The following RAD9B variants were observed in gnomAD, a reference collection of about 807,000 sequenced individuals.
RAD9B encodes RAD9 checkpoint clamp component B.
A neutral mutation model predicts 48.3 loss-of-function variants in RAD9B; 41 were observed. The ratio of observed to expected loss-of-function variants is 0.85; its 90% CI spans 0.66 to 1.10. The LOEUF is 1.10. Ranked by LOEUF, RAD9B falls within the 50% of genes least tolerant of loss-of-function variation. RAD9B has a pLI of 0.00. For synonymous variants in RAD9B, 160 were observed against 157.9 expected (o/e 1.01, Z -0.10); for missense variants, 444 against 485.1 (o/e 0.92, Z 0.80).
intron 10 of RAD9B, 36 bp downstream of exon 10, chr12:110,522,447 G>A: frequency 1.4e-6 from 2 of 1,428,000 alleles, no homozygotes; most frequent in South Asian, 2.4e-5. Context: ...TCTCAGTCAA[G>A]AATTCTCATC....
intron 2 of RAD9B, 112 bp downstream of exon 2, chr12:110,503,988 C>G: frequency 1.6e-6 from 1 of 617,890 alleles, no homozygotes; most frequent in African/African-American, 1.9e-5. Flanking sequence ...ATCCCTTTCA[C>G]TGTTTATCTT....
Position 110,529,137 on chromosome 12 carries a change from G to A in RAD9B, c.1126-1388G>A, listed in dbSNP as rs185932372. 5.7e-4 allele frequency among the ~76,000 whole-genome samples: 86 copies of A among 152,128 alleles called. 1 individual carries two copies. The highest frequency in any genetic ancestry group is 2.0e-3 in the African/African-American group (85 of 41,514). On this transcript the variant is annotated intron_variant, in intron 10 of 10. Transcript: ENST00000409300. ...CAGTAACTGAAGGGGGAAATGGGAT[G>A]AGGTTAGGCTATTTGTTTGTTTGTT...
chr12:110,530,588 G>T lies in RAD9B; in HGVS notation c.1189G>T (p.Asp397Tyr). 1 of 1,613,914 alleles carries T rather than the reference G, an allele frequency of 6.2e-7. No individual in the cohort carries two copies. The highest frequency in any genetic ancestry group is 8.5e-7 in the Non-Finnish European group (1 of 1,179,858). ...DQQEHFNHPF[D>Y]SLARASDSEE... ...GCAAGAACACTTCAACCACCCTTTC[G>T]ACAGTCTGGCAAGAGCAAGTGACAG... Residue 397 changes from aspartate (D) to tyrosine (Y), a missense_variant, in exon 11 of 11, where the codon GAC (aspartate) becomes TAC (tyrosine). Asp to Tyr is a radical substitution (Grantham distance 160). Coordinates refer to ENST00000409300, the MANE Select transcript of RAD9B (RefSeq NM_001286535.2).
intron 10 of RAD9B, among the ~76,000 whole-genome samples, chr12:110,522,836 C>T (rs570521348): frequency 2.6e-5 from 4 of 152,234 alleles, no homozygotes; most frequent in East Asian, 1.9e-4. Context: ...ATAGTACAAA[C>T]GTAAATTTCA....
chr12:110,503,772 A>G lies in RAD9B; in HGVS notation c.47-34A>G. The G allele has an allele frequency of 3.4e-6, 5 of 1,489,992 alleles. No homozygotes were observed. The South Asian group carries it at 3.5e-5, about 10-fold the overall frequency. The allele number at this position is 1,489,992 out of a possible 1,614,324, so 92.3% of individuals were successfully genotyped here. A position where few individuals can be genotyped will look rare whatever the true frequency, so the allele number is the denominator to read the frequency against. ...GATTTGTTTTTATTGTTAGAGGGAA[A>G]GAATATAAGCATCACCTTTCTTTTT... is the stretch of plus-strand genomic sequence containing the variant. On this transcript the variant is annotated intron_variant, in intron 1 of 10. Coordinates refer to ENST00000409300, the MANE Select transcript of RAD9B (RefSeq NM_001286535.2).
chr12:110,519,057 C>G (rs1461312979), intron 8 of RAD9B, 119 bp downstream of exon 8: 3 of 661,960 alleles, frequency 4.5e-6, no homozygotes, highest in African/African-American at 1.9e-5. Context: ...ACTATTAATA[C>G]TTATCAAACT....
intron 9 of RAD9B, among the ~76,000 whole-genome samples, chr12:110,521,000 G>T (rs1403600267): frequency 6.6e-6 from 1 of 151,576 alleles, no homozygotes; most frequent in Non-Finnish European, 1.5e-5. Context: ...ATGCTTTATT[G>T]TAAAAGTTAT....
Position 110,513,726 on chromosome 12 carries a change from TA to T in RAD9B, c.488+849del, listed in dbSNP as rs1329920744. 1.8e-3 allele frequency among the ~76,000 whole-genome samples: 266 copies of T among 144,822 alleles called. 1 individual carries two copies. Among genetic ancestry groups the T allele is most frequent in the South Asian group, 0.013 (59 of 4,612 alleles). On this transcript the variant is annotated intron_variant, in intron 5 of 10. Transcript: ENST00000409300. ...TTATTATTATTATTATTATTATTAT[TA>T]TTATTATTATTTTTGAGACAGAGTC...
chr12:110,512,009 GCTAGTTTTTTATA>G (rs966202498), intron 4 of RAD9B, among the ~76,000 whole-genome samples: 3 of 151,140 alleles, frequency 2.0e-5, no homozygotes, highest in Non-Finnish European at 4.4e-5. Flanking sequence ...ACCACGCCCG[GCTAGTTTTTTATA>G]TTTTAGTAGA....
At chr12:110,506,978 TACAGGCACCTGCC>T (rs1184501348) in intron 4 of RAD9B, among the ~76,000 whole-genome samples, 1 of 152,066 alleles carries the variant, frequency 6.6e-6, no homozygotes, top group Non-Finnish European at 1.5e-5. Flanking sequence ...TAGCTGGGAT[TACAGGCACCTGCC>T]ATCATGCCCA....
intron 6 of RAD9B, 36 bp from the exon 7 acceptor site, chr12:110,518,640 T>C (rs781591931): frequency 2.8e-6 from 4 of 1,423,744 alleles, no homozygotes; most frequent in Middle Eastern, 1.8e-4. Context: ...TCTCTGGAAC[T>C]AATTTTATTC....
At chr12:110,507,425 TATATATGTATTAAATATAATATATAAC>T (rs1216451684) in intron 4 of RAD9B, among the ~76,000 whole-genome samples, 35 of 141,058 alleles carry the variant, frequency 2.5e-4, no homozygotes, top group Middle Eastern at 3.6e-3. Context: ...TAATATATAA[TATATATGTATTAAATATAATATATAAC>T]ACGTATTAAG....
At chr12:110,525,369 G>A (rs1238738941) in intron 10 of RAD9B, among the ~76,000 whole-genome samples, 2 of 151,734 alleles carry the variant, frequency 1.3e-5, no homozygotes, top group East Asian at 1.9e-4. Flanking sequence ...CAAGTGATCC[G>A]CCCTCCTTGG....
intron 4 of RAD9B, among the ~76,000 whole-genome samples, chr12:110,509,443 A>T (rs925186729): frequency 5.9e-5 from 9 of 151,864 alleles, no homozygotes; most frequent in African/African-American, 1.2e-4. Context: ...GCTAATTTTT[A>T]AAAAAATTTT....
rs1188904581 is a variant in RAD9B at position 110,505,840 on chromosome 12, AT to A, written c.273+70del. On this transcript the variant is annotated intron_variant, in intron 3 of 10. Transcript: ENST00000409300. ...ATTCATTATATAGGACATAACCTGT[AT>A]TCTATACTTAATAGTTTAAATGGCA... 3.3e-6 allele frequency: 4 copies of A among 1,213,406 alleles called. No homozygotes were observed. In the African/African-American group the frequency reaches 6.1e-5, roughly 19 times the overall value. 75.2% of individuals were successfully genotyped at this position (1,213,406 alleles called of 1,614,324 possible).
In RAD9B at chr12:110,519,925, GT is replaced by G; in HGVS notation, c.890+10del. The G allele has an allele frequency of 6.2e-7, 1 of 1,608,516 alleles. No homozygotes were observed. Among genetic ancestry groups the G allele is most frequent in the East Asian group, 2.2e-5 (1 of 44,666 alleles). ...TCACAGAAACGAAAAAGGTAAGACT[GT>G]GTTTTAACTTCTTTATTACTTGGGA... On this transcript the variant is annotated intron_variant, in intron 9 of 10. Transcript: ENST00000409300.
At chr12:110,515,626 A>T (rs1029257632) in intron 6 of RAD9B, among the ~76,000 whole-genome samples, 1 of 152,176 alleles carries the variant, frequency 6.6e-6, no homozygotes, top group Non-Finnish European at 1.5e-5. Flanking sequence ...GCACCATTGC[A>T]CTCCATTGCC....
intron 2 of RAD9B, among the ~76,000 whole-genome samples, chr12:110,505,352 G>A (rs1273764133): frequency 6.6e-6 from 1 of 152,032 alleles, no homozygotes; most frequent in African/African-American, 2.4e-5. Context: ...AACATCCCAT[G>A]TTCTTATTTG....
intron 5 of RAD9B, among the ~76,000 whole-genome samples, chr12:110,514,654 A>G (rs1436793786): frequency 6.6e-6 from 1 of 152,232 alleles, no homozygotes; most frequent in African/African-American, 2.4e-5. Context: ...CCCCACATCT[A>G]GGTCTCCAGC....
Sources: allele counts gnomAD v4.1 joint callset (sites outside exome capture counted in the v4.1 genomes callset), GRCh38; gene constraint gnomAD v4.1.1; transcripts MANE v1.5; gene names NCBI Gene and HGNC (gene_info 2026-07-23, HGNC 2026-07-21).